Variants in SLC2A7 observed in about 807,000 individuals in gnomAD.
SLC2A7 encodes solute carrier family 2 member 7.
A neutral mutation model predicts 50.5 loss-of-function variants in SLC2A7; 50 were observed. The ratio of observed to expected loss-of-function variants is 0.99; its 90% CI spans 0.79 to 1.25. The LOEUF is 1.25. Among genes scored for constraint, SLC2A7 ranks in the 50% most tolerant of loss-of-function variants. The probability of loss-of-function intolerance (pLI) is 0.00; values close to 1 mark genes in which losing one functional copy is unlikely to be tolerated. For synonymous variants in SLC2A7, 308 were observed against 300.4 expected (o/e 1.03, Z -0.26); for missense variants, 683 against 679.1 (o/e 1.01, Z -0.06).
Position 9,008,853 on chromosome 1 carries a change from C to A in SLC2A7, c.1116+1290G>T, listed in dbSNP as rs2124242269. Among the ~76,000 whole-genome samples, 1 of 152,336 alleles carries A rather than the reference C, an allele frequency of 6.6e-6. No individual in the cohort carries two copies. Among genetic ancestry groups the A allele is most frequent in the Non-Finnish European group, 1.5e-5 (1 of 68,042 alleles). Reference sequence around the variant, plus strand: ...TCAGGTGATCCACCCGCTTTGGCTTCCCAAAGTGCTGGGATTACAGGTGTG... The same window carrying A: ...TCAGGTGATCCACCCGCTTTGGCTTACCAAAGTGCTGGGATTACAGGTGTG... On this transcript the variant is annotated intron_variant, in intron 9 of 11. Coordinates refer to ENST00000400906, the MANE Select transcript of SLC2A7 (RefSeq NM_207420.3). This position sits in a 1 kb window ranked among gnomAD's most constrained non-coding sequence, Gnocchi z 5.9.
chr1:9,009,365 T>C (rs1183431412), intron 9 of SLC2A7, among the ~76,000 whole-genome samples: 1 of 152,248 alleles, frequency 6.6e-6, no homozygotes. Context: ...GGATAATACA[T>C]ACAGGCTGAG....
At chr1:9,011,746 C>CTTTTT (rs34758810) in intron 8 of SLC2A7, among the ~76,000 whole-genome samples, 19 of 93,252 alleles carry the variant, frequency 2.0e-4, no homozygotes, top group East Asian at 3.3e-4. Context: ...TCTTCTTCTT[C>CTTTTT]TTTTTTTTTT....
intron 4 of SLC2A7, 151 bp downstream of exon 4, chr1:9,019,058 T>C (rs1640872889): frequency 4.1e-6 from 4 of 968,714 alleles, no homozygotes; most frequent in Non-Finnish European, 5.9e-6. Context: ...AAAACAAGCA[T>C]GAGGCTTGCA....
At position 9,010,252 on chromosome 1, in the gene SLC2A7, G is replaced by C; in HGVS notation, c.1015-8C>G. 6.5e-7 allele frequency: 1 copy of C among 1,550,132 alleles called. No homozygotes were observed. The highest frequency in any genetic ancestry group is 8.7e-7 in the Non-Finnish European group (1 of 1,146,432). ...CCGCTCCACAAGGACAGCCTGGAGG[G>C]GAAGGGGGACAGTGAGAAGCCGCCT... On this transcript the variant is annotated splice_region_variant and splice_polypyrimidine_tract_variant and intron_variant, in intron 8 of 11. Coordinates refer to ENST00000400906, the MANE Select transcript of SLC2A7 (RefSeq NM_207420.3).
downstream of SLC2A7, among the ~76,000 whole-genome samples, chr1:9,001,382 G>A (rs1640569587): frequency 6.6e-6 from 1 of 151,502 alleles, no homozygotes; most frequent in South Asian, 2.1e-4. Context: ...TAGGATTCCA[G>A]CAGGGAGTGA....
At chr1:8,994,990 C>T in the SLC2A7 span, among the ~76,000 whole-genome samples, 35 of 151,378 alleles carry the variant, frequency 2.3e-4, no homozygotes, top group African/African-American at 7.0e-4. Context: ...AGGCTGGTCT[C>T]GAACTCCTGA....
At chr1:9,009,646 T>TG (rs1473645164) in intron 9 of SLC2A7, among the ~76,000 whole-genome samples, 6 of 152,250 alleles carry the variant, frequency 3.9e-5, no homozygotes, top group South Asian at 2.1e-4. Flanking sequence ...TTTGTAGAGA[T>TG]GGGGTCTCAC....
At chr1:9,025,111 C>A (rs1244980444) in intron 1 of SLC2A7, 37 bp from the exon 2 acceptor site, 3 of 1,604,640 alleles carry the variant, frequency 1.9e-6, no homozygotes, top group Middle Eastern at 1.7e-4. Flanking sequence ...ACGCTGTGGG[C>A]TTGGGCCTCG....
chr1:8,995,753 A>AT, the SLC2A7 span, among the ~76,000 whole-genome samples: 6 of 151,998 alleles, frequency 3.9e-5, no homozygotes, highest in African/African-American at 9.7e-5. Context: ...CTCAAAAAAA[A>AT]TTTTTTTATT....
intron 6 of SLC2A7, 34 bp from the exon 7 acceptor site, chr1:9,014,902 G>T: frequency 6.5e-7 from 1 of 1,549,600 alleles, no homozygotes; most frequent in Non-Finnish European, 8.7e-7. Context: ...TCAGAGGGCC[G>T]TCTCCCTGCA....
chr1:9,004,758 G>T lies in SLC2A7; in HGVS notation c.1314C>A (p.Ser438=). 2.5e-6 allele frequency: 4 copies of T among 1,614,082 alleles called. No individual in the cohort carries two copies. The highest frequency in any genetic ancestry group is 3.4e-6 in the Non-Finnish European group (4 of 1,179,954). ...TNFIIGFLFP[S]IQEAIGAYSF... ...GGAAGGGGCCCTCACTCACCTGGAT[G>T]GATGGGAACAGGAAGCCTATGATGA... Residue 438 remains serine, a synonymous_variant, in exon 11 of 12, where the codon TCC becomes TCA. Coordinates refer to ENST00000400906, the MANE Select transcript of SLC2A7 (RefSeq NM_207420.3).
chr1:9,019,793 A>G (rs1640886257), intron 3 of SLC2A7, among the ~76,000 whole-genome samples: 2 of 152,246 alleles, frequency 1.3e-5, no homozygotes, highest in African/African-American at 4.8e-5. Flanking sequence ...GCGTGGTGGC[A>G]CATGCCTGTA....
chr1:9,009,057 G>C (rs1274184589), intron 9 of SLC2A7, among the ~76,000 whole-genome samples: 1 of 152,206 alleles, frequency 6.6e-6, no homozygotes, highest in Non-Finnish European at 1.5e-5. Context: ...TTTCCCACAT[G>C]GAGCTCTCTG....
In SLC2A7 at chr1:9,014,884, C is replaced by T. The variant is rs1385581806; in HGVS notation, c.716-16G>A. ...CTCCTCAGAGCTGCGGAAAGCAGAA[C>T]CACCCGCTCAGAGGGCCGTCTCCCT... is the stretch of plus-strand genomic sequence containing the variant. On this transcript the variant is annotated splice_polypyrimidine_tract_variant and intron_variant, in intron 6 of 11. Coordinates refer to ENST00000400906, the MANE Select transcript of SLC2A7 (RefSeq NM_207420.3). The T allele has an allele frequency of 6.3e-7, 1 of 1,576,228 alleles. No homozygotes were observed. Among genetic ancestry groups the T allele is most frequent in the East Asian group, 2.3e-5 (1 of 43,518 alleles).
chr1:9,007,089 A>G (rs1158671090), intron 10 of SLC2A7, among the ~76,000 whole-genome samples: 1 of 152,190 alleles, frequency 6.6e-6, no homozygotes, highest in Non-Finnish European at 1.5e-5. Context: ...CCTGGGAGCC[A>G]CAGATGATCA....
chr1:8,997,528 G>A, the SLC2A7 span, among the ~76,000 whole-genome samples: 5 of 151,996 alleles, frequency 3.3e-5, no homozygotes, highest in East Asian at 9.7e-4. Context: ...AGCCTCCCGA[G>A]TAGCTGGAAT....
chr1:9,018,359 GGC>G lies in SLC2A7; in HGVS notation c.451_452del (p.Ala151ProfsTer82). 1 of 1,614,182 alleles carries G rather than the reference GGC, an allele frequency of 6.2e-7. No individual in the cohort carries two copies. The highest frequency in any genetic ancestry group is 8.5e-7 in the Non-Finnish European group (1 of 1,180,042). ...CCAGTTCTCCCAGGTACATGGGAAG[GGC>G]GCTGTAGGAGATGCCTGGTTTGGGC... is the stretch of plus-strand genomic sequence containing the variant. ...LGVCAGISYS[A>X]LPMYLGELAP... On this transcript the variant is annotated frameshift_variant, in exon 5 of 12. Coordinates refer to ENST00000400906, the MANE Select transcript of SLC2A7 (RefSeq NM_207420.3). LOFTEE classifies it high-confidence loss of function.
downstream of SLC2A7, among the ~76,000 whole-genome samples, chr1:9,000,625 A>C (rs139164760): frequency 5.8e-3 from 890 of 152,204 alleles, 14 homozygotes; most frequent in African/African-American, 0.021. Flanking sequence ...TCTCAAAATA[A>C]ATAAATAAAT....
At chr1:9,011,335 G>T (rs1433731278) in intron 8 of SLC2A7, among the ~76,000 whole-genome samples, 2 of 152,134 alleles carry the variant, frequency 1.3e-5, no homozygotes, top group African/African-American at 4.8e-5. Flanking sequence ...CACCATACCT[G>T]AATAAGAATA....
Sources: gnomAD v4.1 joint callset for allele counts (sites outside exome capture counted in the v4.1 genomes callset) on GRCh38, gnomAD v4.1.1 for gene constraint, Gnocchi (gnomAD v3.1) non-coding constraint, MANE v1.5 for transcripts, NCBI Gene and HGNC (gene_info 2026-07-23, HGNC 2026-07-21) for gene names.